IL1RAPL2: variants seen among roughly 807,000 people sequenced by gnomAD.
IL1RAPL2 encodes interleukin 1 receptor accessory protein like 2.
In IL1RAPL2, 3 loss-of-function variants were observed where a neutral mutation model predicts 44.1. The ratio of observed to expected loss-of-function variants is 0.07; its 90% CI spans 0.03 to 0.18. The LOEUF is 0.18. Among genes scored for constraint, IL1RAPL2 ranks in the 10% least tolerant of loss-of-function variants. The pLI, the probability that IL1RAPL2 is intolerant of heterozygous loss-of-function variation, is 1.00. For missense variants in IL1RAPL2, 391 were observed against 496.4 expected (o/e 0.79, Z 2.02); for synonymous variants, 181 against 178.8 (o/e 1.01, Z -0.10).
At chrX:105,434,605 G>T (rs1466349775) in intron 5 of IL1RAPL2, among the ~76,000 whole-genome samples, 1 of 111,866 alleles carries the variant, frequency 8.9e-6, no homozygotes, top group Middle Eastern at 4.2e-3. Flanking sequence ...CCAAATTCTG[G>T]ATATTAGACC....
At chrX:105,076,056 G>C (rs867829456) in intron 2 of IL1RAPL2, among the ~76,000 whole-genome samples, 58 of 111,448 alleles carry the variant, frequency 5.2e-4, no homozygotes, top group African/African-American at 1.9e-3. Flanking sequence ...GTTCTGCTCT[G>C]ATTTTAGTTA....
chrX:104,683,364 G>A (rs2147541031), intron 2 of IL1RAPL2, among the ~76,000 whole-genome samples: 1 of 111,429 alleles, frequency 9.0e-6, no homozygotes, highest in South Asian at 3.8e-4. Flanking sequence ...AAAATAATGA[G>A]GGGTTTGGGC....
intron 2 of IL1RAPL2, among the ~76,000 whole-genome samples, chrX:104,712,551 G>A (rs1476610340): frequency 9.0e-6 from 1 of 110,631 alleles, no homozygotes; most frequent in African/African-American, 3.3e-5. Flanking sequence ...TATTCCTAAG[G>A]TCCTTGTAAA....
intron 7 of IL1RAPL2, among the ~76,000 whole-genome samples, chrX:105,721,327 A>G (rs2038302622): frequency 9.1e-6 from 1 of 110,266 alleles, no homozygotes; most frequent in Non-Finnish European, 1.9e-5. Context: ...AAGACGGGAG[A>G]ATTGCTTGAA....
intron 6 of IL1RAPL2, among the ~76,000 whole-genome samples, chrX:105,693,592 T>G (rs1163902929): frequency 9.0e-6 from 1 of 111,672 alleles, no homozygotes; most frequent in Non-Finnish European, 1.9e-5. Flanking sequence ...ATAAACCTCT[T>G]TTCTTCATAA....
chrX:105,384,653 T>C (rs1490780893), intron 5 of IL1RAPL2, among the ~76,000 whole-genome samples: 1 of 111,155 alleles, frequency 9.0e-6, no homozygotes, highest in Non-Finnish European at 1.9e-5. Flanking sequence ...AAGAATATCA[T>C]TGGTAATTTG....
intron 5 of IL1RAPL2, among the ~76,000 whole-genome samples, chrX:105,419,664 G>A (rs1337880572): frequency 8.9e-6 from 1 of 112,041 alleles, no homozygotes; most frequent in Non-Finnish European, 1.9e-5. Flanking sequence ...AAGTATCACA[G>A]CAAATTTGTA....
At chrX:104,956,564 C>A (rs1232238500) in intron 2 of IL1RAPL2, among the ~76,000 whole-genome samples, 1 of 106,976 alleles carries the variant, frequency 9.3e-6, no homozygotes, top group South Asian at 4.2e-4. Context: ...CTTGAACCTG[C>A]GAGGTGGAGA....
intron 6 of IL1RAPL2, among the ~76,000 whole-genome samples, chrX:105,680,157 G>A (rs1206160822): frequency 9.0e-6 from 1 of 111,341 alleles, no homozygotes; most frequent in African/African-American, 3.3e-5. Context: ...AAGCCACCAT[G>A]CCCGGCTAAC....
At chrX:104,799,338 G>C (rs1457377415) in intron 2 of IL1RAPL2, among the ~76,000 whole-genome samples, 1 of 111,884 alleles carries the variant, frequency 8.9e-6, no homozygotes. Flanking sequence ...GTAAATAGCT[G>C]TCTAGTTTGA....
chrX:104,662,621 G>A lies in IL1RAPL2; in HGVS notation c.82+3626G>A, dbSNP rs373910002. Among the ~76,000 whole-genome samples, 238 of 111,372 alleles carry A rather than the reference G, an allele frequency of 2.1e-3. 2 individuals carry two copies. The highest frequency in any genetic ancestry group is 3.9e-3 in the Non-Finnish European group (208 of 52,988). ...ACCTAAAACTAATTTTTAATAGGGT[G>A]GGTGGGAGAAATTACTCTTCCTCAA... On this transcript the variant is annotated intron_variant, in intron 2 of 10. Coordinates refer to ENST00000372582, the MANE Select transcript of IL1RAPL2 (RefSeq NM_017416.2).
intron 2 of IL1RAPL2, among the ~76,000 whole-genome samples, chrX:105,075,069 C>T (rs1674774823): frequency 9.0e-6 from 1 of 111,286 alleles, no homozygotes; most frequent in African/African-American, 3.3e-5. Flanking sequence ...CCAGACCTTC[C>T]AACACTATGT....
intron 6 of IL1RAPL2, among the ~76,000 whole-genome samples, chrX:105,523,568 T>C (rs1178754453): frequency 9.0e-6 from 1 of 111,374 alleles, no homozygotes; most frequent in Non-Finnish European, 1.9e-5. Flanking sequence ...TTGAAACAAA[T>C]TGTTTCATCC....
chrX:104,819,290 T>A (rs1403951955), intron 2 of IL1RAPL2, among the ~76,000 whole-genome samples: 1 of 112,377 alleles, frequency 8.9e-6, no homozygotes, highest in East Asian at 2.8e-4. Context: ...TTTCACTTTA[T>A]GATGGTGGGA....
At chrX:104,943,579 A>G (rs1219019638) in intron 2 of IL1RAPL2, among the ~76,000 whole-genome samples, 1 of 110,859 alleles carries the variant, frequency 9.0e-6, no homozygotes, top group Non-Finnish European at 1.9e-5. Context: ...TGTTTCCCCT[A>G]CCTGGAATGT....
intron 2 of IL1RAPL2, among the ~76,000 whole-genome samples, chrX:105,010,074 G>A (rs2031023271): frequency 9.0e-6 from 1 of 111,356 alleles, no homozygotes; most frequent in African/African-American, 3.3e-5. Context: ...CATCTTTTAT[G>A]TAGAGTTTTG....
chrX:104,674,394 A>G, intron 2 of IL1RAPL2, among the ~76,000 whole-genome samples: 1 of 111,704 alleles, frequency 9.0e-6, no homozygotes, highest in Non-Finnish European at 1.9e-5. Context: ...TATATGCTAG[A>G]TTATTTATTG....
At chrX:104,577,110 G>A (rs948227290) in intron 1 of IL1RAPL2, among the ~76,000 whole-genome samples, 8 of 111,463 alleles carry the variant, frequency 7.2e-5, no homozygotes, top group Non-Finnish European at 1.3e-4. Flanking sequence ...CTCCCCTTCC[G>A]TTCCCATACT....
intron 6 of IL1RAPL2, among the ~76,000 whole-genome samples, chrX:105,631,682 G>T (rs777598822): frequency 8.9e-6 from 1 of 112,201 alleles, no homozygotes; most frequent in Non-Finnish European, 1.9e-5. Flanking sequence ...GAGAAGGTAA[G>T]ATCCGGTCTC....
Sources: gnomAD v4.1 joint callset for allele counts (sites outside exome capture counted in the v4.1 genomes callset) on GRCh38, gnomAD v4.1.1 for gene constraint, MANE v1.5 for transcripts, NCBI Gene and HGNC (gene_info 2026-07-23, HGNC 2026-07-21) for gene names.